The following RHBDF1 variants were observed in gnomAD, a reference collection of about 807,000 sequenced individuals.
RHBDF1 encodes the protein rhomboid 5 homolog 1.
A neutral mutation model predicts 98.6 loss-of-function variants in RHBDF1; 80 were observed. That is an observed-to-expected ratio of 0.81 (90% CI 0.68 to 0.98). The LOEUF is 0.98. RHBDF1 is among the 50% of genes least tolerant of loss of function. The pLI is 0.00. For missense variants in RHBDF1, 1,116 were observed against 1,198.3 expected (o/e 0.93, Z 1.01); for synonymous variants, 512 against 486.8 (o/e 1.05, Z -0.68).
intron 14 of RHBDF1, 67 bp downstream of exon 14, chr16:59,665 G>A: frequency 6.3e-7 from 1 of 1,575,136 alleles, no homozygotes; most frequent in Non-Finnish European, 8.7e-7. Context: ...TGGTTAGGGA[G>A]AAGGCACACC....
At chr16:58,941 C>T (rs767655649) in intron 17 of RHBDF1, 33 bp downstream of exon 17, 31 of 1,608,658 alleles carry the variant, frequency 1.9e-5, no homozygotes, top group Middle Eastern at 3.7e-4. Flanking sequence ...CAGGTGCACA[C>T]GGGAGGATCC....
At chr16:69,742 C>T (rs1424782859) in intron 1 of RHBDF1, among the ~76,000 whole-genome samples, 2 of 152,210 alleles carry the variant, frequency 1.3e-5, no homozygotes, top group Non-Finnish European at 2.9e-5. Context: ...CTCTTCAACC[C>T]TCCCAGTGAA....
Position 61,764 on chromosome 16 carries a change from C to T in RHBDF1, c.1208+34G>A, listed in dbSNP as rs774595922. ...AGCCCCCACCCTCCCCCGGGAGCCT[C>T]CATCCCAACCCAGGCCTTGCCTGCC... is the stretch of plus-strand genomic sequence containing the variant. On this transcript the variant is annotated intron_variant, in intron 8 of 17. Transcript: ENST00000262316. The T allele has an allele frequency of 5.0e-6, 8 of 1,612,186 alleles. No individual in the cohort carries two copies. In the Admixed American group the frequency reaches 1.0e-4, roughly 20 times the overall value.
chr16:64,516 G>A (rs1005316229), intron 3 of RHBDF1, 183 bp downstream of exon 3: 3 of 1,543,058 alleles, frequency 1.9e-6, no homozygotes, highest in Non-Finnish European at 1.8e-6. Flanking sequence ...AGTGGAGCAG[G>A]GTAGTGGGGT....
At chr16:64,378 C>T (rs754910030) in intron 3 of RHBDF1, 103 of 1,382,296 alleles carry the variant, frequency 7.5e-5, no homozygotes, top group African/African-American at 7.3e-5. Context: ...GAAGGCCCTG[C>T]GGGCAGCCCG....
chr16:63,330 C>T (rs536509095), intron 4 of RHBDF1, 148 bp from the exon 5 acceptor site: 3 of 730,054 alleles, frequency 4.1e-6, no homozygotes, highest in East Asian at 2.7e-5. Flanking sequence ...TCCCACCCCA[C>T]AGCACCTAGA....
In RHBDF1 at chr16:62,848, A is replaced by C. The variant is rs758989552; in HGVS notation, c.722T>G (p.Phe241Cys). 1 of 1,613,990 alleles carries C rather than the reference A, an allele frequency of 6.2e-7. No individual in the cohort carries two copies. Among genetic ancestry groups the C allele is most frequent in the African/African-American group, 1.3e-5 (1 of 75,054 alleles). The stretch of plus-strand genomic sequence containing the variant: ...CTCCTCCAGAAAGCTAGCTGGAGTG[A>C]AGCTTCGACGCTGTGCCCGGCGAAA... ...GTFRRAQRRS[F>C]TPASFLEEDT... The change falls in exon 6 of 18, where the codon TTC becomes TGC. Residue 241 changes from phenylalanine (F) to cysteine (C), a missense_variant. Coordinates refer to ENST00000262316, the MANE Select transcript of RHBDF1 (RefSeq NM_022450.5).
chr16:62,963 C>T lies in RHBDF1; in HGVS notation c.672+10G>A. 6.2e-7 allele frequency: 1 copy of T among 1,612,196 alleles called. No homozygotes were observed. On this transcript the variant is annotated intron_variant, in intron 5 of 17. Coordinates refer to ENST00000262316, the MANE Select transcript of RHBDF1 (RefSeq NM_022450.5). ...CGGCCCCCAACCCCGCCTTTGGCCC[C>T]TGCACCCACTTTCATCAGCGCTGCG...
intron 7 of RHBDF1, chr16:62,296 C>G (rs908457150): frequency 1.4e-5 from 10 of 718,662 alleles, no homozygotes; most frequent in African/African-American, 5.4e-5. Context: ...TCCGCCTCCC[C>G]GTTGGATTCT....
chr16:63,561 C>A, intron 4 of RHBDF1, 26 bp downstream of exon 4: 1 of 1,514,808 alleles, frequency 6.6e-7, no homozygotes, highest in Non-Finnish European at 8.9e-7. Context: ...GAGGGGCCTG[C>A]AGGAGGCAGC....
chr16:63,935 G>T, intron 3 of RHBDF1, 135 bp from the exon 4 acceptor site: 1 of 812,508 alleles, frequency 1.2e-6, no homozygotes, highest in Non-Finnish European at 2.1e-6. Flanking sequence ...GAGTGGGCAA[G>T]GTCTAATAAG....
rs545250038 is a variant in RHBDF1 at position 62,511 on chromosome 16, C to T, written c.953+27G>A. The T allele has an allele frequency of 2.9e-5, 47 of 1,607,296 alleles. No homozygotes were observed. The Middle Eastern group carries it at 8.3e-4, about 29-fold the overall frequency. On this transcript the variant is annotated intron_variant, in intron 7 of 17. Transcript: ENST00000262316. Reference sequence around the variant, plus strand: ...TGACGGGCCCCGGGGTCTCTCTCTGCCCCTCTTCCCTGCCTGCCGCACTCA... The same window carrying T: ...TGACGGGCCCCGGGGTCTCTCTCTGTCCCTCTTCCCTGCCTGCCGCACTCA...
At chr16:75,899 G>A (rs1898078229), upstream of RHBDF1, among the ~76,000 whole-genome samples, 1 of 152,180 alleles carries the variant, frequency 6.6e-6, no homozygotes, top group Non-Finnish European at 1.5e-5. Flanking sequence ...AGAGAAGACG[G>A]AGCCAGTGTG....
At chr16:60,995 T>C in intron 11 of RHBDF1, 125 bp downstream of exon 11, 2 of 1,070,072 alleles carry the variant, frequency 1.9e-6, no homozygotes, top group Non-Finnish European at 2.6e-6. Context: ...TGACAAGGCC[T>C]TGCGCGTAAG....
Position 58,679 on chromosome 16 carries a change from C to T in RHBDF1, c.2229G>A (p.Arg743=). ...GCAGCTTGAAGAAGGCACGCCAGGGCCGCGCCAGGATCTGCCAGCTCTGGA... is the reference window on the plus strand; with the variant it reads ...GCAGCTTGAAGAAGGCACGCCAGGGTCGCGCCAGGATCTGCCAGCTCTGGA... ...ELFQSWQILA[R]PWRAFFKLLA... Residue 743 remains arginine (R), a synonymous_variant, in exon 18 of 18, where the codon CGG becomes CGA. Coordinates refer to ENST00000262316, the MANE Select transcript of RHBDF1 (RefSeq NM_022450.5). The T allele has an allele frequency of 6.2e-7, 1 of 1,613,152 alleles. No individual in the cohort carries two copies. The highest frequency in any genetic ancestry group is 1.1e-5 in the South Asian group (1 of 91,074).
intron 13 of RHBDF1, 138 bp from the exon 14 acceptor site, chr16:59,964 C>T: frequency 6.6e-7 from 1 of 1,504,784 alleles, no homozygotes; most frequent in Non-Finnish European, 8.9e-7. Context: ...AAGCAGGCCA[C>T]CACACTGAGT....
Position 59,812 on chromosome 16 carries a change from G to C in RHBDF1, c.1737C>G (p.Asn579Lys). 6.2e-7 allele frequency: 1 copy of C among 1,614,160 alleles called. No individual in the cohort carries two copies. Among genetic ancestry groups the C allele is most frequent in the Non-Finnish European group, 8.5e-7 (1 of 1,180,026 alleles). ...GATGGTTGGTGTGGTTCCCAGCGCT[G>C]TTTTTGGTGCAGATCTGGGTCACAA... The part of the protein sequence containing the change: ...DITKWPICTK[N>K]SAGNHTNHPH... Residue 579 changes from asparagine to lysine, a missense_variant, in exon 14 of 18, where the codon AAC becomes AAG. Coordinates refer to ENST00000262316, the MANE Select transcript of RHBDF1 (RefSeq NM_022450.5).
intron 17 of RHBDF1, 90 bp downstream of exon 17, chr16:58,884 A>G (rs1344041336): frequency 6.4e-7 from 1 of 1,561,704 alleles, no homozygotes; most frequent in African/African-American, 1.4e-5. Flanking sequence ...CCAACTGGAG[A>G]TGCTCCCAGA....
upstream of RHBDF1, among the ~76,000 whole-genome samples, chr16:73,450 G>T (rs540822483): frequency 2.6e-5 from 4 of 152,300 alleles, 1 homozygote; most frequent in South Asian, 8.3e-4. Context: ...CCACCCCGGG[G>T]TGGGCTCATA....
Sources: allele counts gnomAD v4.1 joint callset (sites outside exome capture counted in the v4.1 genomes callset), GRCh38; gene constraint gnomAD v4.1.1; transcripts MANE v1.5; gene names NCBI Gene and HGNC (gene_info 2026-07-23, HGNC 2026-07-21).